Variants in NPL observed in about 807,000 individuals in gnomAD.
NPL encodes the protein N-acetylneuraminate pyruvate lyase.
NPL carries 32 observed loss-of-function variants against 41.1 expected under a neutral mutation model. That is an observed-to-expected ratio of 0.78 (90% CI 0.59 to 1.05). NPL has a LOEUF of 1.05. Among genes scored for constraint, NPL ranks in the 50% least tolerant of loss-of-function variants. The pLI is 0.00. For missense variants in NPL, 321 were observed against 378.4 expected (o/e 0.85, Z 1.26); for synonymous variants, 128 against 134.9 (o/e 0.95, Z 0.35).
At chr1:182,823,409 C>G (rs1008747589) in intron 11 of NPL, among the ~76,000 whole-genome samples, 3 of 152,154 alleles carry the variant, frequency 2.0e-5, no homozygotes, top group African/African-American at 7.2e-5. Context: ...CCGTAGGCCT[C>G]AAAGTTGAGC....
chr1:182,794,502 T>G lies in NPL; in HGVS notation c.68+63T>G, dbSNP rs927130292. 1.4e-5 allele frequency: 21 copies of G among 1,518,810 alleles called. No homozygotes were observed. The Admixed American group carries it at 3.5e-4, about 25-fold the overall frequency. 94.1% of individuals were successfully genotyped at this position (1,518,810 alleles called of 1,614,324 possible). A position where few individuals can be genotyped will look rare whatever the true frequency, so the allele number is the denominator to read the frequency against. ...ATTCAACCAAAAAGGAGAGAAGTTC[T>G]TTGTAACAACAGTCACTTAAGACCC... On this transcript the variant is annotated intron_variant, in intron 3 of 12. Transcript: ENST00000367553.
At chr1:182,792,126 ACGTAC>A (rs2102522155) in intron 1 of NPL, 101 bp from the exon 2 acceptor site, 1 of 152,364 alleles carries the variant, frequency 6.6e-6, no homozygotes, top group African/African-American at 2.4e-5. Context: ...AGCACTGAAC[ACGTAC>A]TCACTATGTG....
At chr1:182,797,160 C>T (rs1489253618) in intron 3 of NPL, among the ~76,000 whole-genome samples, 1 of 152,058 alleles carries the variant, frequency 6.6e-6, no homozygotes, top group Non-Finnish European at 1.5e-5. Flanking sequence ...GTGGGGATCA[C>T]CATTAAATAA....
At chr1:182,806,355 G>C (rs1667009787) in intron 5 of NPL, 123 bp downstream of exon 5, 1 of 1,554,754 alleles carries the variant, frequency 6.4e-7, no homozygotes, top group Admixed American at 2.0e-5. Context: ...CAGCTGGTGG[G>C]AAGATGAGCA....
chr1:182,809,835 T>G (rs2102548387), intron 5 of NPL: 1 of 152,264 alleles, frequency 6.6e-6, no homozygotes, highest in African/African-American at 2.4e-5. Context: ...ATTTTAAATT[T>G]CCAACAGTGG....
At chr1:182,815,227 T>C (rs1667290205) in intron 7 of NPL, among the ~76,000 whole-genome samples, 1 of 152,212 alleles carries the variant, frequency 6.6e-6, no homozygotes, top group Non-Finnish European at 1.5e-5. Flanking sequence ...ATTTTGAGAC[T>C]ACACATCCTA....
intron 12 of NPL, chr1:182,827,064 G>C (rs1667650000): frequency 6.6e-6 from 1 of 152,092 alleles, no homozygotes; most frequent in South Asian, 2.1e-4. Flanking sequence ...ATTATTTTTG[G>C]ACTGCAGTTG....
chr1:182,824,191 C>A (rs1174504604), intron 11 of NPL, among the ~76,000 whole-genome samples: 1 of 152,150 alleles, frequency 6.6e-6, no homozygotes, highest in Non-Finnish European at 1.5e-5. Flanking sequence ...ATCCATAAGG[C>A]AATGGTTAAA....
At chr1:182,822,697 GTGA>G (rs529878490) in intron 11 of NPL, among the ~76,000 whole-genome samples, 50 of 152,180 alleles carry the variant, frequency 3.3e-4, no homozygotes, top group Non-Finnish European at 5.7e-4. Flanking sequence ...AGCCTAGTGG[GTGA>G]TCCAAAGTAG....
chr1:182,796,166 C>CA (rs11419574), intron 3 of NPL, among the ~76,000 whole-genome samples: 40,644 of 103,114 alleles, frequency 0.39, 7,378 homozygotes, highest in South Asian at 0.45. Flanking sequence ...GGTGTGAAAT[C>CA]AAAAAAAAAA....
chr1:182,815,321 T>A (rs1436124162), intron 7 of NPL, among the ~76,000 whole-genome samples: 1 of 152,250 alleles, frequency 6.6e-6, no homozygotes, highest in East Asian at 1.9e-4. Context: ...TTGCTTTCTC[T>A]TTCTCTACTG....
intron 10 of NPL, among the ~76,000 whole-genome samples, chr1:182,819,220 G>A (rs1053061995): frequency 6.6e-6 from 1 of 152,180 alleles, no homozygotes; most frequent in African/African-American, 2.4e-5. Flanking sequence ...ACTTTGGGAG[G>A]CCAAGGCGGG....
chr1:182,825,785 G>T lies in NPL; in HGVS notation c.743G>T (p.Cys248Phe). Residue 248 changes from cysteine (C) to phenylalanine (F), a missense_variant, in exon 12 of 13, where the codon TGT becomes TTT. Transcript: ENST00000367553. ...AGATATGTTGTTCTTTTCTAGTTTTGTATCCAGAGATTTATCAACTTTGTT... is the reference window on the plus strand; with the variant it reads ...AGATATGTTGTTCTTTTCTAGTTTTTTATCCAGAGATTTATCAACTTTGTT... ...DFSLALNYQF[C>F]IQRFINFVVK... The T allele has an allele frequency of 1.3e-6, 2 of 1,578,394 alleles. No homozygotes were observed. The highest frequency in any genetic ancestry group is 2.2e-5 in the South Asian group (2 of 90,324).
At chr1:182,790,393 G>A (rs1434823407) in intron 1 of NPL, among the ~76,000 whole-genome samples, 9 of 152,200 alleles carry the variant, frequency 5.9e-5, no homozygotes, top group African/African-American at 1.9e-4. Flanking sequence ...CAATGTTTCA[G>A]TAATAATCTA....
rs575917385 is a variant in NPL at position 182,803,661 on chromosome 1, A to C, written c.69-37A>C. 7.9e-6 allele frequency: 11 copies of C among 1,386,856 alleles called. No individual in the cohort carries two copies. In the African/African-American group the frequency reaches 1.6e-4, roughly 20 times the overall value. The allele number at this position is 1,386,856 out of a possible 1,614,324, so 85.9% of individuals were successfully genotyped here. On this transcript the variant is annotated intron_variant, in intron 3 of 12. Coordinates refer to ENST00000367553, the MANE Select transcript of NPL (RefSeq NM_030769.3). ...GCATTTGTTGAATAATAATCTGAAA[A>C]AGACTAAATATGCCTTTTTTTCCAC...
Position 182,822,334 on chromosome 1 carries a change from G to A in NPL, c.738+135G>A, listed in dbSNP as rs184179768. Reference sequence around the variant, plus strand: ...TCTTTCTTTACCTTTCTTCTGTTTTGTACTTTTTCTTGTTTAAAACCAAAG... The same window carrying A: ...TCTTTCTTTACCTTTCTTCTGTTTTATACTTTTTCTTGTTTAAAACCAAAG... On this transcript the variant is annotated intron_variant, in intron 11 of 12. Coordinates refer to ENST00000367553, the MANE Select transcript of NPL (RefSeq NM_030769.3). 1,005 of 711,580 alleles carry A rather than the reference G, an allele frequency of 1.4e-3. 9 individuals carry two copies. In the Admixed American group the frequency reaches 0.02, roughly 14 times the overall value. The allele number at this position is 711,580 out of a possible 1,614,324, so 44.1% of individuals were successfully genotyped here.
intron 3 of NPL, among the ~76,000 whole-genome samples, chr1:182,796,689 C>T (rs893996081): frequency 6.6e-6 from 1 of 152,060 alleles, no homozygotes; most frequent in East Asian, 1.9e-4. Context: ...GTCCTGGATC[C>T]CAAGCTTTGC....
chr1:182,803,215 G>C (rs1571431708), intron 3 of NPL, among the ~76,000 whole-genome samples: 1 of 152,152 alleles, frequency 6.6e-6, no homozygotes, highest in East Asian at 1.9e-4. Flanking sequence ...TACCCTAAGA[G>C]TAGGGTGGGA....
At chr1:182,797,173 A>G (rs78886188) in intron 3 of NPL, among the ~76,000 whole-genome samples, 3,199 of 152,320 alleles carry the variant, frequency 0.021, 53 homozygotes, top group Non-Finnish European at 0.029. Context: ...TTAAATAAGA[A>G]TGTATAAAGT....
Sources: gnomAD v4.1 joint callset for allele counts (sites outside exome capture counted in the v4.1 genomes callset) on GRCh38, gnomAD v4.1.1 for gene constraint, MANE v1.5 for transcripts, NCBI Gene and HGNC (gene_info 2026-07-23, HGNC 2026-07-21) for gene names.